The following KAT2B variants were observed in gnomAD, a reference collection of about 807,000 sequenced individuals.
The protein encoded by KAT2B is histone acetyltransferase KAT2B.
In KAT2B, 36 loss-of-function variants were observed where a neutral mutation model predicts 105.9. The ratio of observed to expected loss-of-function variants is 0.34; its 90% confidence interval spans 0.26 to 0.45. KAT2B has a LOEUF of 0.45. Among genes scored for constraint, KAT2B ranks in the 20% least tolerant of loss-of-function variants. The pLI is 1.00. For synonymous variants in KAT2B, 397 were observed against 377.9 expected (o/e 1.05, Z -0.59); for missense variants, 820 against 1,021.6 (o/e 0.80, Z 2.69).
chr3:20,059,522 G>A (rs1323060872), intron 1 of KAT2B, among the ~76,000 whole-genome samples: 10 of 151,176 alleles, frequency 6.6e-5, no homozygotes, highest in African/African-American at 1.7e-4. Flanking sequence ...TCGAGACCAC[G>A]GTGAAACCCC....
chr3:20,103,591 T>G (rs1204039455), intron 5 of KAT2B, among the ~76,000 whole-genome samples: 1 of 152,034 alleles, frequency 6.6e-6, no homozygotes, highest in South Asian at 2.1e-4. Context: ...TTATTTTTTA[T>G]AGAGATGGGG....
intron 1 of KAT2B, among the ~76,000 whole-genome samples, chr3:20,058,453 C>CA (rs35239760): frequency 0.35 from 26,209 of 73,940 alleles, 4,305 homozygotes; most frequent in African/African-American, 0.45. Context: ...GACTCTGTCT[C>CA]AAAAAAAAAA....
chr3:20,072,498 A>T (rs756292917), intron 2 of KAT2B, 39 bp downstream of exon 2: 10 of 1,593,270 alleles, frequency 6.3e-6, no homozygotes, highest in Non-Finnish European at 8.6e-6. Flanking sequence ...TAACGAGTTC[A>T]TTGTAGCGTG....
intron 2 of KAT2B, among the ~76,000 whole-genome samples, chr3:20,075,213 G>T (rs1331788452): frequency 2.0e-5 from 3 of 151,946 alleles, no homozygotes; most frequent in Non-Finnish European, 4.4e-5. Flanking sequence ...GTAGTGAGCC[G>T]AGATTGCACC....
At chr3:20,045,516 G>A (rs1426901031) in intron 1 of KAT2B, among the ~76,000 whole-genome samples, 1 of 151,800 alleles carries the variant, frequency 6.6e-6, no homozygotes, top group African/African-American at 2.4e-5. Context: ...ATGCCTGCTT[G>A]GGATTGGGTT....
At chr3:20,089,399 CTTTT>C (rs60958319) in intron 2 of KAT2B, among the ~76,000 whole-genome samples, 2 of 124,018 alleles carry the variant, frequency 1.6e-5, no homozygotes, top group African/African-American at 3.3e-5. Flanking sequence ...GTCTTCTTCA[CTTTT>C]TTTTTTTTTT....
intron 2 of KAT2B, among the ~76,000 whole-genome samples, chr3:20,082,560 T>A (rs1698538909): frequency 6.6e-6 from 1 of 152,234 alleles, no homozygotes; most frequent in South Asian, 2.1e-4. Context: ...CTCAGCATTT[T>A]ATTTTATTTG....
intron 13 of KAT2B, among the ~76,000 whole-genome samples, chr3:20,144,405 C>T (rs1273167789): frequency 7.4e-5 from 11 of 149,374 alleles, no homozygotes; most frequent in African/African-American, 2.0e-4. Context: ...TCTCCTTCCT[C>T]AGCCTCCCGA....
chr3:20,062,012 A>C (rs1463273735), intron 1 of KAT2B, among the ~76,000 whole-genome samples: 1 of 74,548 alleles, frequency 1.3e-5, no homozygotes, highest in African/African-American at 4.1e-5. Context: ...TATAATATAT[A>C]TTATATATAA....
intron 1 of KAT2B, among the ~76,000 whole-genome samples, chr3:20,071,666 A>G (rs1246277976): frequency 2.6e-5 from 4 of 152,202 alleles, no homozygotes; most frequent in African/African-American, 9.6e-5. Context: ...GGACAAAGTT[A>G]AGGAAGCTTT....
At chr3:20,115,144 C>T (rs993850602) in intron 7 of KAT2B, among the ~76,000 whole-genome samples, 156 bp downstream of exon 7, 21 of 152,188 alleles carry the variant, frequency 1.4e-4, no homozygotes, top group Non-Finnish European at 1.9e-4. Flanking sequence ...TAGTCTCAGT[C>T]GATGGCTAGA....
chr3:20,059,395 C>T (rs1346101086), intron 1 of KAT2B, among the ~76,000 whole-genome samples: 8 of 110,840 alleles, frequency 7.2e-5, no homozygotes, highest in Admixed American at 3.8e-4. Context: ...CCAGCCTGGG[C>T]GACAGAGACT....
chr3:20,121,544 A>T (rs1201813017), intron 8 of KAT2B, among the ~76,000 whole-genome samples: 1 of 152,162 alleles, frequency 6.6e-6, no homozygotes, highest in African/African-American at 2.4e-5. Flanking sequence ...CATCTACTTG[A>T]TAGGCTAGTG....
intron 1 of KAT2B, among the ~76,000 whole-genome samples, chr3:20,041,750 A>G (rs1327440604): frequency 6.6e-6 from 1 of 151,832 alleles, no homozygotes; most frequent in Non-Finnish European, 1.5e-5. Flanking sequence ...ACTCACACAC[A>G]CTCACACCTC....
intron 6 of KAT2B, among the ~76,000 whole-genome samples, chr3:20,112,132 G>A (rs1699132551): frequency 1.3e-5 from 2 of 151,118 alleles, no homozygotes; most frequent in South Asian, 2.1e-4. Flanking sequence ...ACATTTTCCA[G>A]CCACTCAGAA....
intron 1 of KAT2B, among the ~76,000 whole-genome samples, chr3:20,063,569 T>G (rs1698175595): frequency 8.5e-6 from 1 of 117,678 alleles, no homozygotes. Context: ...TTTTTTGAGA[T>G]GGTTGCTCTG....
intron 10 of KAT2B, among the ~76,000 whole-genome samples, chr3:20,126,900 C>T (rs2125179633): frequency 1.3e-5 from 2 of 152,028 alleles, no homozygotes; most frequent in Admixed American, 1.3e-4. Flanking sequence ...ATACATAGCC[C>T]AGTAGCCTAT....
chr3:20,052,474 CT>C (rs1559510980), intron 1 of KAT2B, among the ~76,000 whole-genome samples: 1 of 151,928 alleles, frequency 6.6e-6, no homozygotes, highest in Non-Finnish European at 1.5e-5. Flanking sequence ...ATAGTAGGCA[CT>C]TGATAAATAT....
At chr3:20,102,862 T>C (rs2125157657) in intron 5 of KAT2B, among the ~76,000 whole-genome samples, 1 of 152,322 alleles carries the variant, frequency 6.6e-6, no homozygotes, top group South Asian at 2.1e-4. Context: ...TGGGCAGTAG[T>C]ATCTTTTGAT....
Sources: gnomAD v4.1 joint callset for allele counts (sites outside exome capture counted in the v4.1 genomes callset) on GRCh38, gnomAD v4.1.1 for gene constraint, MANE v1.5 for transcripts, NCBI Gene and HGNC (gene_info 2026-07-23, HGNC 2026-07-21) for gene names.